ADRA1B: variants seen among roughly 807,000 people sequenced by gnomAD.
ADRA1B encodes the protein alpha-1B adrenergic receptor.
A neutral mutation model predicts 17.9 loss-of-function variants in ADRA1B; 17 were observed. The ratio of observed to expected loss-of-function variants is 0.95; its 90% CI spans 0.65 to 1.42. The LOEUF (loss-of-function observed/expected upper bound fraction) is 1.42, where lower values mean the gene tolerates loss of function less well. Among genes scored for constraint, ADRA1B ranks in the 40% most tolerant of loss-of-function variants. The probability of loss-of-function intolerance (pLI) is 0.00; values close to 1 mark genes in which losing one functional copy is unlikely to be tolerated. For synonymous variants in ADRA1B, 366 were observed against 327.6 expected, an observed-to-expected ratio of 1.12 and a Z score of -1.27; for missense variants, 681 against 722.1, an observed-to-expected ratio of 0.94 and a Z score of 0.65.
intron 1 of ADRA1B, among the ~76,000 whole-genome samples, chr5:159,967,968 G>C (rs927556716): frequency 6.6e-6 from 1 of 152,106 alleles, no homozygotes; most frequent in Non-Finnish European, 1.5e-5. Context: ...CAGACATAGG[G>C]GGAAAGTAAA....
rs999297096 is a variant in ADRA1B at position 159,972,239 on chromosome 5, C to T, written c.1310C>T (p.Pro437Leu). 1 of 1,351,528 alleles carries T rather than the reference C, an allele frequency of 7.4e-7. No individual in the cohort carries two copies. The highest frequency in any genetic ancestry group is 9.5e-7 in the Non-Finnish European group (1 of 1,049,530). The allele number at this position is 1,351,528 out of a possible 1,614,324, so 83.7% of individuals were successfully genotyped here. Residue 437 changes from proline (P) to leucine (L), a missense_variant, in exon 2 of 2, where the codon CCG (proline) becomes CTG (leucine). Pro to Leu is a moderately conservative substitution (Grantham distance 98, BLOSUM62 -3). Transcript: ENST00000306675. ...GGCTACCTGGGCCGCGGCGCGCCACCGCCAGTCGAGCTGTGCGCCTTCCCC... is the reference window on the plus strand; with the variant it reads ...GGCTACCTGGGCCGCGGCGCGCCACTGCCAGTCGAGCTGTGCGCCTTCCCC... The part of the protein sequence containing the change: ...SPGYLGRGAP[P>L]PVELCAFPEW...
At chr5:159,963,077 G>A (rs147572176) in intron 1 of ADRA1B, among the ~76,000 whole-genome samples, 2 of 149,466 alleles carry the variant, frequency 1.3e-5, no homozygotes, top group African/African-American at 2.5e-5. Flanking sequence ...TTAGCTTTTA[G>A]ATAACATTCA....
At chr5:159,871,197 A>T (rs1253561052) in intron 1 of ADRA1B, 1 of 152,216 alleles carries the variant, frequency 6.6e-6, no homozygotes, top group Non-Finnish European at 1.5e-5. Flanking sequence ...CTAAATAGTT[A>T]ACTGTGCTTG....
intron 1 of ADRA1B, among the ~76,000 whole-genome samples, chr5:159,938,707 G>A (rs17057287): frequency 0.04 from 6,132 of 152,310 alleles, 191 homozygotes; most frequent in East Asian, 0.13. Context: ...AAGCTTCATT[G>A]AAAAGTAGTT....
chr5:159,901,595 A>G (rs1754101809), intron 1 of ADRA1B, among the ~76,000 whole-genome samples: 1 of 152,304 alleles, frequency 6.6e-6, no homozygotes, highest in Admixed American at 6.5e-5. Flanking sequence ...CCTTCCTGAA[A>G]GCTTCTTGAG....
chr5:159,968,925 T>G (rs1384309833), intron 1 of ADRA1B, among the ~76,000 whole-genome samples: 1 of 152,196 alleles, frequency 6.6e-6, no homozygotes, highest in African/African-American at 2.4e-5. Context: ...CAAGGCCAGT[T>G]TCCTATGTTC....
chr5:159,924,597 G>A (rs1450278079), intron 1 of ADRA1B, among the ~76,000 whole-genome samples: 1 of 152,202 alleles, frequency 6.6e-6, no homozygotes, highest in East Asian at 1.9e-4. Flanking sequence ...AGCTATGCCT[G>A]TCAGGTCTGA....
Position 159,965,849 on chromosome 5 carries a change from A to AT in ADRA1B, c.950-6023dup, listed in dbSNP as rs1028788652. 7.8e-4 allele frequency among the ~76,000 whole-genome samples: 118 copies of AT among 151,490 alleles called. 1 individual carries two copies. Among genetic ancestry groups the AT allele is most frequent in the African/African-American group, 2.4e-3 (98 of 41,284 alleles). Reference sequence around the variant, plus strand: ...TCTGAATTTATTTATTTATTTATTTATTTTTTTGACACAGACCAGGCTGTA... The same window carrying AT: ...TCTGAATTTATTTATTTATTTATTTATTTTTTTTGACACAGACCAGGCTGTA... On this transcript the variant is annotated intron_variant, in intron 1 of 1. Transcript: ENST00000306675.
chr5:159,946,394 C>T (rs1474075762), intron 1 of ADRA1B, among the ~76,000 whole-genome samples: 1 of 152,046 alleles, frequency 6.6e-6, no homozygotes, highest in South Asian at 2.1e-4. Flanking sequence ...AAGGGATGGC[C>T]GTGTCAATAT....
chr5:159,950,758 C>T (rs1274977464), intron 1 of ADRA1B: 31 of 629,636 alleles, frequency 4.9e-5, no homozygotes, highest in East Asian at 2.6e-4. Context: ...TTTTTCGAGA[C>T]GGCAGGTGAG....
At chr5:159,935,420 A>G (rs1001109694) in intron 1 of ADRA1B, among the ~76,000 whole-genome samples, 1 of 152,212 alleles carries the variant, frequency 6.6e-6, no homozygotes, top group African/African-American at 2.4e-5. Context: ...TTTGCTATAC[A>G]TCTTCTTTTA....
At chr5:159,895,540 A>G (rs1754032601) in intron 1 of ADRA1B, among the ~76,000 whole-genome samples, 1 of 152,218 alleles carries the variant, frequency 6.6e-6, no homozygotes, top group Admixed American at 6.5e-5. Context: ...GCTTGTGCTC[A>G]GTATTTACAA....
chr5:159,934,723 C>T (rs1012537513), intron 1 of ADRA1B, among the ~76,000 whole-genome samples: 13 of 151,542 alleles, frequency 8.6e-5, no homozygotes, highest in Non-Finnish European at 1.5e-4. Context: ...GAGAATCCAT[C>T]GCCTGAACCC....
At chr5:159,981,325 C>T in the ADRA1B span, among the ~76,000 whole-genome samples, 1 of 152,054 alleles carries the variant, frequency 6.6e-6, no homozygotes, top group Non-Finnish European at 1.5e-5. Context: ...CCACCATCAG[C>T]TGTGACAATC....
At chr5:159,963,991 G>T (rs2113286441) in intron 1 of ADRA1B, among the ~76,000 whole-genome samples, 1 of 151,668 alleles carries the variant, frequency 6.6e-6, no homozygotes, top group East Asian at 1.9e-4. Context: ...CCCCACCCCG[G>T]AAAAAAAAGA....
chr5:159,886,564 A>T (rs1208363852), intron 1 of ADRA1B, among the ~76,000 whole-genome samples: 1 of 152,196 alleles, frequency 6.6e-6, no homozygotes, highest in East Asian at 1.9e-4. Context: ...AGGCCTAGAA[A>T]GAAAGCAAAT....
intron 1 of ADRA1B, chr5:159,950,401 G>T (rs904873668): frequency 7.3e-6 from 5 of 688,882 alleles, no homozygotes. Context: ...GAGTCTCAGT[G>T]TCATGGGGGA....
intron 1 of ADRA1B, chr5:159,947,560 G>T (rs1214303255): frequency 3.7e-6 from 1 of 269,118 alleles, no homozygotes; most frequent in Non-Finnish European, 5.7e-6. Context: ...CTTGGTTGTT[G>T]CAATAAGCCT....
At chr5:159,889,373 A>G (rs1282018744) in intron 1 of ADRA1B, among the ~76,000 whole-genome samples, 2 of 152,192 alleles carry the variant, frequency 1.3e-5, no homozygotes, top group African/African-American at 4.8e-5. Context: ...CCATATAGCA[A>G]CAAGTCCCCA....
Sources: gnomAD v4.1 joint callset for allele counts (sites outside exome capture counted in the v4.1 genomes callset) on GRCh38, gnomAD v4.1.1 for gene constraint, MANE v1.5 for transcripts, NCBI Gene and HGNC (gene_info 2026-07-23, HGNC 2026-07-21) for gene names.